The following MARCHF8 variants were observed in gnomAD, a reference collection of about 807,000 sequenced individuals.
The protein encoded by MARCHF8 is membrane associated ring-CH-type finger 8, also known as E3 ubiquitin-protein ligase MARCHF8.
MARCHF8 carries 40 observed loss-of-function variants against 51.6 expected under a neutral mutation model. The observed-to-expected ratio is 0.77, with a 90% CI of 0.60 to 1.01. The LOEUF is 1.01. Among genes scored for constraint, MARCHF8 ranks in the 50% least tolerant of loss-of-function variants. The pLI, the probability that MARCHF8 is intolerant of heterozygous loss-of-function variation, is 0.00. For synonymous variants in MARCHF8, 263 were observed against 280.3 expected, an observed-to-expected ratio of 0.94 and a Z score of 0.62; for missense variants, 685 against 708.6, an observed-to-expected ratio of 0.97 and a Z score of 0.38.
intron 2 of MARCHF8, among the ~76,000 whole-genome samples, chr10:45,511,543 G>A (rs919082159): frequency 1.3e-5 from 2 of 152,230 alleles, no homozygotes; most frequent in Non-Finnish European, 2.9e-5. Context: ...GAGTGCCTGC[G>A]ATTACAGGCG....
chr10:45,537,602 G>A (rs1418960694), upstream of MARCHF8, among the ~76,000 whole-genome samples: 3 of 151,540 alleles, frequency 2.0e-5, no homozygotes, highest in Non-Finnish European at 2.9e-5. Context: ...ACAGTGAGCC[G>A]GTATGGCGCC....
intron 1 of MARCHF8, among the ~76,000 whole-genome samples, chr10:45,585,416 G>A (rs184067082): frequency 5.3e-5 from 8 of 152,144 alleles, no homozygotes; most frequent in African/African-American, 1.7e-4. Flanking sequence ...AATGAACTAC[G>A]GCCATACAAA....
At chr10:45,512,760 A>G (rs2133205678) in intron 2 of MARCHF8, among the ~76,000 whole-genome samples, 1 of 152,230 alleles carries the variant, frequency 6.6e-6, no homozygotes, top group Admixed American at 6.5e-5. Flanking sequence ...CGGGACGACA[A>G]TGGCGGTTTT....
At chr10:45,528,227 A>C (rs2043822637) in intron 2 of MARCHF8, among the ~76,000 whole-genome samples, 1 of 152,204 alleles carries the variant, frequency 6.6e-6, no homozygotes, top group African/African-American at 2.4e-5. Context: ...CCTACTCAAC[A>C]CAGTACTAAA....
intron 7 of MARCHF8, 135 bp from the exon 8 acceptor site, chr10:45,458,678 T>G: frequency 1.0e-6 from 1 of 968,228 alleles, no homozygotes; most frequent in Non-Finnish European, 1.5e-6. Flanking sequence ...TCTTGCTATG[T>G]TGCCCAGGCT....
chr10:45,484,835 A>G (rs2042951691), intron 3 of MARCHF8, among the ~76,000 whole-genome samples: 1 of 152,232 alleles, frequency 6.6e-6, no homozygotes, highest in South Asian at 2.1e-4. Flanking sequence ...CCATACCTAG[A>G]TCATCATGAC....
chr10:45,486,517 T>C (rs1464831101), intron 3 of MARCHF8, among the ~76,000 whole-genome samples: 3 of 152,024 alleles, frequency 2.0e-5, no homozygotes, highest in Admixed American at 2.0e-4. Context: ...TGAGCCAAGA[T>C]TGCACCACGG....
At position 45,498,740 on chromosome 10, in the gene MARCHF8, T is replaced by C. The variant is rs531551705; in HGVS notation, c.103-9323A>G. On this transcript the variant is annotated intron_variant, in intron 2 of 7. Transcript: ENST00000453424. ...ATCCTCCCTCCTCGGCCTCCCAAAG[T>C]GCTAGAATAACAGGCGTGAGCCGCT... Among the ~76,000 whole-genome samples the C allele has an allele frequency of 3.9e-5, 6 of 152,348 alleles. No individual in the cohort carries two copies. In the East Asian group the frequency reaches 1.2e-3, roughly 29 times the overall value.
intron 1 of MARCHF8, among the ~76,000 whole-genome samples, chr10:45,543,779 CAG>C (rs2044084337): frequency 9.0e-6 from 1 of 111,378 alleles, no homozygotes; most frequent in South Asian, 2.9e-4. Flanking sequence ...GCCTGGGTGA[CAG>C]AGTGAGACTC....
intron 2 of MARCHF8, among the ~76,000 whole-genome samples, chr10:45,499,158 T>G (rs2133131483): frequency 6.6e-6 from 1 of 152,356 alleles, no homozygotes; most frequent in African/African-American, 2.4e-5. Flanking sequence ...GGTTGTAAAG[T>G]GGTATCTCAC....
At chr10:45,551,341 AG>A (rs2044192241) in intron 1 of MARCHF8, among the ~76,000 whole-genome samples, 1 of 152,200 alleles carries the variant, frequency 6.6e-6, no homozygotes. Context: ...GAAGATACAC[AG>A]AAAGGATACC....
chr10:45,547,178 T>C (rs1216541276), intron 1 of MARCHF8, among the ~76,000 whole-genome samples: 1 of 152,148 alleles, frequency 6.6e-6, no homozygotes, highest in African/African-American at 2.4e-5. Flanking sequence ...GCATAAATAA[T>C]TTAAACAGAT....
intron 1 of MARCHF8, among the ~76,000 whole-genome samples, chr10:45,544,054 T>C (rs2044089981): frequency 6.6e-6 from 1 of 151,980 alleles, no homozygotes; most frequent in Admixed American, 6.6e-5. Flanking sequence ...GGCAACAGCA[T>C]GAGACCCCGT....
intron 1 of MARCHF8, among the ~76,000 whole-genome samples, chr10:45,551,113 A>T (rs563270449): frequency 2.2e-4 from 33 of 152,312 alleles, no homozygotes; most frequent in African/African-American, 7.9e-4. Context: ...GCTCTAGGTC[A>T]ATACATGACT....
chr10:45,543,660 C>T (rs1056881105), intron 1 of MARCHF8, among the ~76,000 whole-genome samples: 8 of 151,636 alleles, frequency 5.3e-5, no homozygotes, highest in Admixed American at 3.9e-4. Flanking sequence ...TAGCCGGGCA[C>T]GGTGGCGGGC....
chr10:45,572,698 C>T (rs946575151), intron 1 of MARCHF8, among the ~76,000 whole-genome samples: 1 of 152,098 alleles, frequency 6.6e-6, no homozygotes, highest in Non-Finnish European at 1.5e-5. Flanking sequence ...TCCCGCCTGT[C>T]CCTTCAGTCC....
At chr10:45,570,890 G>A (rs1030271687) in intron 1 of MARCHF8, among the ~76,000 whole-genome samples, 4 of 152,058 alleles carry the variant, frequency 2.6e-5, no homozygotes, top group Non-Finnish European at 4.4e-5. Flanking sequence ...AGATATGGAA[G>A]CCCCATATAC....
At chr10:45,534,335 G>A (rs899483846) in intron 1 of MARCHF8, among the ~76,000 whole-genome samples, 1 of 152,116 alleles carries the variant, frequency 6.6e-6, no homozygotes, top group African/African-American at 2.4e-5. Context: ...GTTTCCTAGG[G>A]AATATGAAGG....
chr10:45,512,485 C>A (rs1330522133), intron 2 of MARCHF8, among the ~76,000 whole-genome samples: 2 of 151,062 alleles, frequency 1.3e-5, no homozygotes, highest in Non-Finnish European at 3.0e-5. Context: ...AGTGAGGAGC[C>A]CCTCTGCCCG....
Sources: gnomAD v4.1 joint callset for allele counts (sites outside exome capture counted in the v4.1 genomes callset) on GRCh38, gnomAD v4.1.1 for gene constraint, MANE v1.5 for transcripts, NCBI Gene and HGNC (gene_info 2026-07-23, HGNC 2026-07-21) for gene names.